Variants in ENTPD1 observed in about 807,000 individuals in gnomAD.
ENTPD1 encodes the protein ectonucleoside triphosphate diphosphohydrolase 1.
ENTPD1 carries 33 observed loss-of-function variants against 57.0 expected under a neutral mutation model. That is an observed-to-expected ratio of 0.58 (90% CI 0.44 to 0.77). The LOEUF (loss-of-function observed/expected upper bound fraction) is 0.77. ENTPD1 is among the 30% of genes least tolerant of loss of function. The pLI is 0.00. For missense variants in ENTPD1, 501 were observed against 603.4 expected (o/e 0.83, Z 1.78); for synonymous variants, 202 against 218.8 (o/e 0.92, Z 0.68).
chr10:95,792,798 G>T (rs985238466), intron 1 of ENTPD1, among the ~76,000 whole-genome samples: 3 of 152,182 alleles, frequency 2.0e-5, no homozygotes, highest in African/African-American at 7.2e-5. Flanking sequence ...ACCCATAAAT[G>T]AAGGCAGCAC....
chr10:95,723,120 C>A (rs2097979403), intron 1 of ENTPD1, among the ~76,000 whole-genome samples: 1 of 152,158 alleles, frequency 6.6e-6, no homozygotes, highest in Admixed American at 6.5e-5. Context: ...GGCTGTTACG[C>A]CCTTGTTTAC....
chr10:95,812,349 T>C (rs1043654538), intron 1 of ENTPD1, among the ~76,000 whole-genome samples: 1 of 152,234 alleles, frequency 6.6e-6, no homozygotes, highest in African/African-American at 2.4e-5. Context: ...AATAGCCTGT[T>C]TGAGTCTGGT....
intron 1 of ENTPD1, among the ~76,000 whole-genome samples, chr10:95,797,072 G>GA (rs954400842): frequency 2.0e-5 from 3 of 151,820 alleles, no homozygotes; most frequent in Non-Finnish European, 2.9e-5. Flanking sequence ...GACTCTATCT[G>GA]AAAAAAACAC....
chr10:95,871,538 A>C lies in ENTPD1; in HGVS notation c.*5155A>C. ...TTGCATACAAATCTAATACAACTGA[A>C]CACAATCAGTTTTATCACAGGTATA... On this transcript the variant is annotated 3_prime_UTR_variant, in exon 10 of 10. Transcript: ENST00000371205. 4 of 985,390 alleles carry C rather than the reference A, an allele frequency of 4.1e-6. No homozygotes were observed. Among genetic ancestry groups the C allele is most frequent in the Non-Finnish European group, 4.8e-6 (4 of 829,882 alleles). 61.0% of individuals were successfully genotyped at this position (985,390 alleles called of 1,614,324 possible).
At chr10:95,755,979 C>G (rs1015038811), upstream of ENTPD1, 193 of 1,465,018 alleles carry the variant, frequency 1.3e-4, no homozygotes, top group Non-Finnish European at 2.0e-5. Context: ...CAAAAAATTA[C>G]AACCTGGAAA....
chr10:95,699,848 A>C, the ENTPD1 span, among the ~76,000 whole-genome samples: 1 of 152,230 alleles, frequency 6.6e-6, no homozygotes, highest in Non-Finnish European at 1.5e-5. Context: ...TTGACTGAAG[A>C]AGCAGCAGCC....
At chr10:95,696,559 C>A in the ENTPD1 span, among the ~76,000 whole-genome samples, 1 of 152,200 alleles carries the variant, frequency 6.6e-6, no homozygotes, top group Admixed American at 6.5e-5. Context: ...GGATTACAGG[C>A]ATGAGCCACC....
At chr10:95,797,899 C>T (rs570098299) in intron 1 of ENTPD1, among the ~76,000 whole-genome samples, 44 of 152,170 alleles carry the variant, frequency 2.9e-4, no homozygotes, top group Non-Finnish European at 4.4e-4. Flanking sequence ...GGATGTCATT[C>T]CTATAGAGGT....
At chr10:95,718,212 G>A (rs1284198206) in intron 1 of ENTPD1, among the ~76,000 whole-genome samples, 1 of 152,140 alleles carries the variant, frequency 6.6e-6, no homozygotes, top group Non-Finnish European at 1.5e-5. Context: ...GTTAGCTGCA[G>A]GCAAAAGTAT....
At chr10:95,730,564 A>AC (rs1216330583) in intron 1 of ENTPD1, among the ~76,000 whole-genome samples, 300 of 151,396 alleles carry the variant, frequency 2.0e-3, no homozygotes, top group African/African-American at 6.5e-3. Flanking sequence ...GGAAAAAACT[A>AC]TGACTTTATT....
At chr10:95,825,431 G>A (rs1397895183) in intron 2 of ENTPD1, among the ~76,000 whole-genome samples, 2 of 152,132 alleles carry the variant, frequency 1.3e-5, no homozygotes, top group African/African-American at 4.8e-5. Context: ...CAAATATCAT[G>A]GGCTACTAAA....
chr10:95,719,973 G>A (rs12357211), intron 1 of ENTPD1, among the ~76,000 whole-genome samples: 6,149 of 152,236 alleles, frequency 0.04, 175 homozygotes, highest in Non-Finnish European at 0.062. Context: ...GAGTATAAGG[G>A]TTAGGTACAG....
Position 95,869,361 on chromosome 10 carries a change from T to C in ENTPD1, c.*2978T>C, listed in dbSNP as rs3918994. 449 of 757,038 alleles carry C rather than the reference T, an allele frequency of 5.9e-4. 1 individual carries two copies. In the African/African-American group the frequency reaches 7.9e-3, roughly 13 times the overall value. 46.9% of individuals were successfully genotyped at this position (757,038 alleles called of 1,614,324 possible). A position where few individuals can be genotyped will look rare whatever the true frequency, so the allele number is the denominator to read the frequency against. ...GCCTCCTGGGTTCAAGCAATTCTCC[T>C]GCCTCAGCCTCCCGAGTAGCTGGGA... On this transcript the variant is annotated 3_prime_UTR_variant, in exon 10 of 10. Transcript: ENST00000371205.
At chr10:95,826,914 G>A (rs1479312050) in intron 2 of ENTPD1, among the ~76,000 whole-genome samples, 1 of 152,148 alleles carries the variant, frequency 6.6e-6, no homozygotes, top group African/African-American at 2.4e-5. Flanking sequence ...AATTTTTGAA[G>A]AATTGTTTTG....
Position 95,870,948 on chromosome 10 carries a change from C to T in ENTPD1, c.*4565C>T. The T allele has an allele frequency of 1.0e-6, 1 of 985,430 alleles. No individual in the cohort carries two copies. The allele number at this position is 985,430 out of a possible 1,614,324, so 61.0% of individuals were successfully genotyped here. A position where few individuals can be genotyped will look rare whatever the true frequency, so the allele number is the denominator to read the frequency against. On this transcript the variant is annotated 3_prime_UTR_variant, in exon 10 of 10. Coordinates refer to ENST00000371205, the MANE Select transcript of ENTPD1 (RefSeq NM_001776.6). Reference sequence around the variant, plus strand: ...TGGTAAGGGTGGATCAGACCTATTCCATATACCTCTTGTTCTCCTTGTCCA... The same window carrying T: ...TGGTAAGGGTGGATCAGACCTATTCTATATACCTCTTGTTCTCCTTGTCCA...
rs566248563 is a variant in ENTPD1, at chr10:95,712,743, G to C, written c.37+750G>C. ...ATATGCACAAACACCAGCCTTAATA[G>C]TCTGTGGTGGGCTGGGCACTGTGGC... On this transcript the variant is annotated intron_variant, in intron 1 of 9. Transcript: ENST00000453258. Among the ~76,000 whole-genome samples the C allele has an allele frequency of 2.0e-5, 3 of 152,240 alleles. No individual in the cohort carries two copies. In the South Asian group the frequency reaches 6.2e-4, roughly 32 times the overall value.
chr10:95,844,606 A>G lies in ENTPD1; in HGVS notation c.544A>G (p.Ile182Val), dbSNP rs1405289106. Residue 182 changes from isoleucine to valine, a missense_variant, in exon 5 of 10, where the codon ATC becomes GTC. Physicochemically the swap from Ile to Val is conservative, Grantham distance 29. Transcript: ENST00000371205. The stretch of plus-strand genomic sequence containing the variant: ...GGAAGGTGCCTATGGCTGGATTACT[A>G]TCAACTATCTGCTGGGCAAATTCAG... ...QEEGAYGWIT[I>V]NYLLGKFSQK... The G allele has an allele frequency of 6.2e-7, 1 of 1,614,168 alleles. No homozygotes were observed. The highest frequency in any genetic ancestry group is 2.2e-5 in the East Asian group (1 of 44,880).
chr10:95,866,308 G>C lies in ENTPD1; in HGVS notation c.1458G>C (p.Leu486=). ...TYVFLMVLFS[L]VLFTVAIIGL... ...TCTTCCTCATGGTTCTATTCTCCCTGGTCCTTTTCACAGTGGCCATCATAG... is the reference window on the plus strand; with the variant it reads ...TCTTCCTCATGGTTCTATTCTCCCTCGTCCTTTTCACAGTGGCCATCATAG... Residue 486 remains leucine, a synonymous_variant, in exon 10 of 10, where the codon CTG becomes CTC. Transcript: ENST00000371205. The C allele has an allele frequency of 1.2e-6, 2 of 1,614,024 alleles. No individual in the cohort carries two copies. The highest frequency in any genetic ancestry group is 1.7e-6 in the Non-Finnish European group (2 of 1,180,004).
At chr10:95,725,862 G>T (rs570116365) in intron 1 of ENTPD1, among the ~76,000 whole-genome samples, 1 of 152,276 alleles carries the variant, frequency 6.6e-6, no homozygotes, top group South Asian at 2.1e-4. Context: ...TTTTTGGTTG[G>T]TACACTTCAC....
Sources: allele counts gnomAD v4.1 joint callset (sites outside exome capture counted in the v4.1 genomes callset), GRCh38; gene constraint gnomAD v4.1.1; transcripts MANE v1.5; gene names NCBI Gene and HGNC (gene_info 2026-07-23, HGNC 2026-07-21).